Variants in CCBE1 observed in about 807,000 individuals in gnomAD.
CCBE1 encodes collagen and calcium-binding EGF domain-containing protein 1.
In CCBE1, 37 loss-of-function variants were observed where a neutral mutation model predicts 50.0. The observed-to-expected ratio is 0.74, with a 90% CI of 0.57 to 0.97. The LOEUF (loss-of-function observed/expected upper bound fraction) is 0.97. Among genes scored for constraint, CCBE1 ranks in the 50% least tolerant of loss-of-function variants. CCBE1 has a pLI of 0.00. For synonymous variants in CCBE1, 234 were observed against 203.7 expected (o/e 1.15, Z -1.27); for missense variants, 538 against 523.8 (o/e 1.03, Z -0.26).
chr18:59,644,379 A>T (rs2054028764), intron 2 of CCBE1, among the ~76,000 whole-genome samples: 1 of 152,142 alleles, frequency 6.6e-6, no homozygotes, highest in Non-Finnish European at 1.5e-5. Flanking sequence ...GGCTCACCTA[A>T]GGCTTCTCTA....
intron 2 of CCBE1, among the ~76,000 whole-genome samples, chr18:59,539,777 A>G (rs1210296271): frequency 6.6e-6 from 1 of 152,226 alleles, no homozygotes; most frequent in Admixed American, 6.5e-5. Context: ...TTGCATGAAT[A>G]TGCTCCAAAA....
At position 59,431,120 on chromosome 18, in the gene CCBE1, A is replaced by C. The variant is rs77728352; in HGVS notation, c.*4788T>G. The C allele has an allele frequency of 6.6e-6, 1 of 152,210 alleles. No homozygotes were observed. The highest frequency in any genetic ancestry group is 1.5e-5 in the Non-Finnish European group (1 of 68,036). 9.4% of individuals were successfully genotyped at this position (152,210 alleles called of 1,614,324 possible). A position where few individuals can be genotyped will look rare whatever the true frequency, so the allele number is the denominator to read the frequency against. On this transcript the variant is annotated 3_prime_UTR_variant, in exon 11 of 11. Coordinates refer to ENST00000439986, the MANE Select transcript of CCBE1 (RefSeq NM_133459.4). ...AAATAAAAACAGACCCACGGCACAC[A>C]TGAAATTCCTAAGGGGACTTGCTTT...
intron 2 of CCBE1, among the ~76,000 whole-genome samples, chr18:59,631,725 G>C (rs974101869): frequency 2.0e-5 from 3 of 152,178 alleles, no homozygotes; most frequent in African/African-American, 4.8e-5. Context: ...AACTTAAGAA[G>C]CACTGGGCAC....
intron 6 of CCBE1, among the ~76,000 whole-genome samples, chr18:59,451,219 CG>C (rs1840378746): frequency 6.6e-6 from 1 of 152,024 alleles, no homozygotes; most frequent in African/African-American, 2.4e-5. Flanking sequence ...AACTGCTCAA[CG>C]TGGGGAGAGT....
chr18:59,455,129 AAGAGGGG>A (rs1411126823), intron 5 of CCBE1, 178 bp from the exon 6 acceptor site: 3 of 690,480 alleles, frequency 4.3e-6, no homozygotes, highest in Non-Finnish European at 8.0e-6. Context: ...AGGGTCAGGG[AAGAGGGG>A]AGGACAGAGG....
chr18:59,693,138 A>T (rs1245827292), intron 2 of CCBE1, among the ~76,000 whole-genome samples: 2 of 152,088 alleles, frequency 1.3e-5, no homozygotes, highest in Non-Finnish European at 1.5e-5. Flanking sequence ...TCTTTTTTTT[A>T]AATAATCATT....
chr18:59,641,595 C>G (rs530182789), intron 2 of CCBE1, among the ~76,000 whole-genome samples: 1 of 152,202 alleles, frequency 6.6e-6, no homozygotes, highest in African/African-American at 2.4e-5. Flanking sequence ...ACCCCTGAAC[C>G]TAAGTTAGAA....
intron 2 of CCBE1, among the ~76,000 whole-genome samples, chr18:59,539,090 C>T (rs751870740): frequency 3.9e-5 from 6 of 151,974 alleles, no homozygotes; most frequent in South Asian, 2.1e-4. Flanking sequence ...GCAGGAGGAC[C>T]GCTTGAGCCC....
intron 2 of CCBE1, among the ~76,000 whole-genome samples, chr18:59,600,253 G>T (rs2053412181): frequency 6.6e-6 from 1 of 151,904 alleles, no homozygotes; most frequent in African/African-American, 2.4e-5. Context: ...TCTCTTGTGA[G>T]CTGTGTATGT....
chr18:59,668,893 C>T (rs148281257), intron 2 of CCBE1, among the ~76,000 whole-genome samples: 3,063 of 137,536 alleles, frequency 0.022, 45 homozygotes, highest in East Asian at 0.068. Flanking sequence ...GATGTGATCT[C>T]GGCTCACTGC....
intron 2 of CCBE1, among the ~76,000 whole-genome samples, chr18:59,612,668 G>A (rs1009797104): frequency 1.3e-5 from 2 of 152,160 alleles, no homozygotes; most frequent in South Asian, 4.1e-4. Flanking sequence ...AATAAGTAAT[G>A]GAGCCAAGAT....
chr18:59,512,496 T>C (rs1914174684), intron 2 of CCBE1, among the ~76,000 whole-genome samples: 1 of 152,066 alleles, frequency 6.6e-6, no homozygotes, highest in African/African-American at 2.4e-5. Flanking sequence ...TCAGCAGGAG[T>C]TAGAAACCCC....
chr18:59,493,114 G>C (rs140392556), intron 2 of CCBE1, among the ~76,000 whole-genome samples: 1 of 152,232 alleles, frequency 6.6e-6, no homozygotes, highest in Non-Finnish European at 1.5e-5. Flanking sequence ...CTGCAGGTCA[G>C]TCACTTGAGA....
At chr18:59,562,465 C>T (rs1169229437) in intron 2 of CCBE1, among the ~76,000 whole-genome samples, 4 of 148,438 alleles carry the variant, frequency 2.7e-5, no homozygotes, top group African/African-American at 1.0e-4. Flanking sequence ...CTTGTGGCTC[C>T]AGAGAGGTGG....
At chr18:59,681,072 G>T (rs1374929719) in intron 2 of CCBE1, among the ~76,000 whole-genome samples, 1 of 149,172 alleles carries the variant, frequency 6.7e-6, no homozygotes, top group Admixed American at 6.7e-5. Context: ...AAAAAGGAAA[G>T]CTGTTTGGTA....
intron 2 of CCBE1, among the ~76,000 whole-genome samples, chr18:59,593,900 G>C (rs2053311349): frequency 6.6e-6 from 1 of 152,208 alleles, no homozygotes. Flanking sequence ...ACTGCACGGG[G>C]TCCATATCCC....
intron 2 of CCBE1, among the ~76,000 whole-genome samples, chr18:59,586,594 G>A (rs145170680): frequency 6.6e-6 from 1 of 152,142 alleles, no homozygotes; most frequent in Non-Finnish European, 1.5e-5. Flanking sequence ...CTCTCCTACG[G>A]CCAAGGAGGA....
intron 2 of CCBE1, among the ~76,000 whole-genome samples, chr18:59,694,213 G>C (rs1423336043): frequency 6.6e-6 from 1 of 152,124 alleles, no homozygotes; most frequent in Non-Finnish European, 1.5e-5. Flanking sequence ...TTCAAGTTCA[G>C]AAGTGGCTTC....
chr18:59,618,936 G>T (rs921137069), intron 2 of CCBE1, among the ~76,000 whole-genome samples: 6 of 152,028 alleles, frequency 3.9e-5, no homozygotes. Context: ...TGCTACTCCA[G>T]GTATTGGATT....
Sources: allele counts gnomAD v4.1 joint callset (sites outside exome capture counted in the v4.1 genomes callset), GRCh38; gene constraint gnomAD v4.1.1; transcripts MANE v1.5; gene names NCBI Gene and HGNC (gene_info 2026-07-23, HGNC 2026-07-21).